Variants in ENTREP2 observed in about 807,000 individuals in gnomAD.
ENTREP2 encodes endosomal transmembrane epsin interactor 2, also known as protein ENTREP2.
chr15:29,416,777 C>T, the ENTREP2 span, among the ~76,000 whole-genome samples: 2 of 152,192 alleles, frequency 1.3e-5, no homozygotes, highest in African/African-American at 4.8e-5. Flanking sequence ...CCAGAATCTA[C>T]AATGAACTCC....
At chr15:29,176,136 T>A in the ENTREP2 span, among the ~76,000 whole-genome samples, 1 of 151,302 alleles carries the variant, frequency 6.6e-6, no homozygotes, top group Non-Finnish European at 1.5e-5. Flanking sequence ...TTGGTTAATG[T>A]TCATAACCAG....
the ENTREP2 span, among the ~76,000 whole-genome samples, chr15:29,137,676 A>T: frequency 6.6e-6 from 1 of 152,126 alleles, no homozygotes; most frequent in African/African-American, 2.4e-5. Flanking sequence ...CTCTACTAAA[A>T]ATACAAAAAA....
chr15:29,530,475 T>C, the ENTREP2 span, among the ~76,000 whole-genome samples: 1 of 152,188 alleles, frequency 6.6e-6, no homozygotes, highest in Non-Finnish European at 1.5e-5. Flanking sequence ...ATTGTTTTTA[T>C]ATACACTAAG....
chr15:29,536,803 C>G, the ENTREP2 span, among the ~76,000 whole-genome samples: 3 of 152,044 alleles, frequency 2.0e-5, no homozygotes, highest in African/African-American at 7.2e-5. Flanking sequence ...GTGGTGAAAA[C>G]ACACAGGAGA....
the ENTREP2 span, among the ~76,000 whole-genome samples, chr15:29,332,696 A>G: frequency 1.1e-3 from 171 of 152,286 alleles, no homozygotes; most frequent in Middle Eastern, 3.4e-3. Context: ...GGGGTGGCTC[A>G]TGCCTGTAAT....
the ENTREP2 span, among the ~76,000 whole-genome samples, chr15:29,237,193 G>C: frequency 6.6e-6 from 1 of 152,220 alleles, no homozygotes; most frequent in South Asian, 2.1e-4. Context: ...TTTCTAATTG[G>C]CTTGTTTTTC....
chr15:29,590,234 G>A, the ENTREP2 span, among the ~76,000 whole-genome samples: 5 of 152,060 alleles, frequency 3.3e-5, no homozygotes, highest in Admixed American at 2.6e-4. Flanking sequence ...CCATGGCCAG[G>A]TTCAGCGACC....
the ENTREP2 span, chr15:29,126,445 C>A: frequency 2.1e-5 from 33 of 1,549,922 alleles, no homozygotes; most frequent in Non-Finnish European, 6.1e-6. Flanking sequence ...TGGAACCTGG[C>A]GTAGCAGTGC....
the ENTREP2 span, among the ~76,000 whole-genome samples, chr15:29,551,851 A>C: frequency 6.6e-6 from 1 of 152,176 alleles, no homozygotes; most frequent in Non-Finnish European, 1.5e-5. Flanking sequence ...CCATTTCCCT[A>C]ACAGCTCCCA....
the ENTREP2 span, among the ~76,000 whole-genome samples, chr15:29,386,529 G>C: frequency 6.6e-6 from 1 of 152,224 alleles, no homozygotes; most frequent in Non-Finnish European, 1.5e-5. Flanking sequence ...AGTGAGTGTT[G>C]TGTCAAGCTG....
the ENTREP2 span, among the ~76,000 whole-genome samples, chr15:29,239,339 C>T: frequency 6.6e-6 from 1 of 152,138 alleles, no homozygotes; most frequent in South Asian, 2.1e-4. Context: ...CTTCACCTCC[C>T]AGAAACCACG....
chr15:29,643,624 T>C, the ENTREP2 span, among the ~76,000 whole-genome samples: 3 of 151,240 alleles, frequency 2.0e-5, no homozygotes, highest in African/African-American at 7.3e-5. Flanking sequence ...CTACTGAAAA[T>C]ACAAAAAATT....
At chr15:29,522,852 G>A in the ENTREP2 span, among the ~76,000 whole-genome samples, 5 of 152,170 alleles carry the variant, frequency 3.3e-5, no homozygotes, top group African/African-American at 1.2e-4. Context: ...GCTGAAAACA[G>A]TTGAAGGTGA....
the ENTREP2 span, among the ~76,000 whole-genome samples, chr15:29,303,504 G>C: frequency 6.6e-6 from 1 of 151,834 alleles, no homozygotes; most frequent in Non-Finnish European, 1.5e-5. Flanking sequence ...ATGTTATAGG[G>C]GTACTTTTTT....
At chr15:29,221,358 C>T in the ENTREP2 span, among the ~76,000 whole-genome samples, 2 of 151,692 alleles carry the variant, frequency 1.3e-5, no homozygotes, top group East Asian at 1.9e-4. Flanking sequence ...CCCACCACCA[C>T]GCCCAGCTAA....
chr15:29,657,403 G>A, the ENTREP2 span, among the ~76,000 whole-genome samples: 1 of 136,536 alleles, frequency 7.3e-6, no homozygotes, highest in Non-Finnish European at 1.5e-5. Flanking sequence ...GTGAGCAGTA[G>A]CAGCTATAAA....
the ENTREP2 span, among the ~76,000 whole-genome samples, chr15:29,540,551 C>T: frequency 7.2e-5 from 11 of 152,234 alleles, no homozygotes; most frequent in East Asian, 1.9e-3. Context: ...ATAAACACGC[C>T]GAGACAGGTA....
the ENTREP2 span, among the ~76,000 whole-genome samples, chr15:29,524,278 A>G: frequency 1.2e-4 from 18 of 152,238 alleles, no homozygotes; most frequent in African/African-American, 4.3e-4. Context: ...GATGCTCAAC[A>G]TCTCTAGTCA....
At chr15:29,673,408 T>C in the ENTREP2 span, among the ~76,000 whole-genome samples, 3 of 152,088 alleles carry the variant, frequency 2.0e-5, no homozygotes, top group African/African-American at 7.2e-5. Flanking sequence ...GTCGCTGTGG[T>C]TCAAACACCT....
Sources: allele counts gnomAD v4.1 joint callset (sites outside exome capture counted in the v4.1 genomes callset), GRCh38; gene constraint gnomAD v4.1.1; transcripts MANE v1.5; gene names NCBI Gene and HGNC (gene_info 2026-07-23, HGNC 2026-07-21).